The following ADGRB3 variants were observed in gnomAD, a reference collection of about 807,000 sequenced individuals.
ADGRB3 encodes the protein adhesion G protein-coupled receptor B3, also known as brain-specific angiogenesis inhibitor 3.
ADGRB3 carries 37 observed loss-of-function variants against 193.4 expected under a neutral mutation model. The ratio of observed to expected loss-of-function variants is 0.19; its 90% CI spans 0.15 to 0.25. The LOEUF (loss-of-function observed/expected upper bound fraction) is 0.25. ADGRB3 is among the 10% of genes least tolerant of loss of function. The pLI is 1.00. For missense variants in ADGRB3, 1,637 were observed against 1,852.9 expected (o/e 0.88, Z 2.14); for synonymous variants, 690 against 644.2 (o/e 1.07, Z -1.08).
rs367888823 is a variant in ADGRB3, at chr6:69,097,716, A to G, written c.2480+21678A>G. ...TATATATGTGTGTGTGTGTGTGTGTATATATGGCTATATGGCTGCTGCAGA... is the reference window on the plus strand; with the variant it reads ...TATATATGTGTGTGTGTGTGTGTGTGTATATGGCTATATGGCTGCTGCAGA... On this transcript the variant is annotated intron_variant, in intron 17 of 31. Transcript: ENST00000370598. Among the ~76,000 whole-genome samples the G allele has an allele frequency of 5.1e-3, 753 of 148,352 alleles. 5 individuals are homozygous for G. The highest frequency in any genetic ancestry group is 5.0e-3 in the African/African-American group (205 of 41,176).
intron 17 of ADGRB3, among the ~76,000 whole-genome samples, chr6:69,215,857 T>G (rs971877447): frequency 6.6e-6 from 1 of 152,144 alleles, no homozygotes; most frequent in Non-Finnish European, 1.5e-5. Context: ...GTGAAATAAA[T>G]TTCTTAGGCC....
chr6:69,059,260 A>C (rs772292308), intron 15 of ADGRB3, among the ~76,000 whole-genome samples: 1 of 152,088 alleles, frequency 6.6e-6, no homozygotes, highest in African/African-American at 2.4e-5. Flanking sequence ...ATTTTGTTTG[A>C]TATAAGTGTA....
intron 3 of ADGRB3, among the ~76,000 whole-genome samples, chr6:68,872,958 C>T (rs545096532): frequency 6.6e-6 from 1 of 151,974 alleles, no homozygotes; most frequent in South Asian, 2.1e-4. Flanking sequence ...CAACAAAATG[C>T]CAGATAAAGT....
At chr6:69,302,888 G>A (rs1767976874) in intron 20 of ADGRB3, among the ~76,000 whole-genome samples, 1 of 151,890 alleles carries the variant, frequency 6.6e-6, no homozygotes, top group African/African-American at 2.4e-5. Context: ...AGGAAATCAT[G>A]AAAGAGACTG....
intron 3 of ADGRB3, among the ~76,000 whole-genome samples, chr6:68,786,408 G>GTTATTAA (rs1766970738): frequency 6.6e-6 from 1 of 152,070 alleles, no homozygotes; most frequent in Non-Finnish European, 1.5e-5. Context: ...TATTAAATAG[G>GTTATTAA]GAATCCTTTC....
chr6:68,912,344 T>TTA (rs1366883989), intron 3 of ADGRB3, among the ~76,000 whole-genome samples: 4 of 151,594 alleles, frequency 2.6e-5, no homozygotes, highest in African/African-American at 9.7e-5. Flanking sequence ...ATCTTCTTTT[T>TTA]TTATTATTTT....
At chr6:68,911,713 A>T (rs190676008) in intron 3 of ADGRB3, among the ~76,000 whole-genome samples, 1 of 152,230 alleles carries the variant, frequency 6.6e-6, no homozygotes, top group South Asian at 2.1e-4. Context: ...CTTTGCAAAA[A>T]TAAGTTTAAG....
chr6:69,047,324 C>G (rs1476919259), intron 13 of ADGRB3, among the ~76,000 whole-genome samples: 3 of 151,572 alleles, frequency 2.0e-5, no homozygotes, highest in African/African-American at 7.3e-5. Context: ...TGCTTATAAT[C>G]TAGACATGCT....
rs143067675 is a variant in ADGRB3 at position 68,892,727 on chromosome 6, C to T, written c.758-37832C>T. Among the ~76,000 whole-genome samples the T allele has an allele frequency of 1.4e-4, 22 of 152,054 alleles. No individual in the cohort carries two copies. The East Asian group carries it at 3.9e-3, about 27-fold the overall frequency. On this transcript the variant is annotated intron_variant, in intron 3 of 31. Coordinates refer to ENST00000370598, the MANE Select transcript of ADGRB3 (RefSeq NM_001704.3). Reference sequence around the variant, plus strand: ...ACTACTAAGCAGAAGTTTCCATAAGCAAGTTTGTTGTTATCAGTATATTTC... The same window carrying T: ...ACTACTAAGCAGAAGTTTCCATAAGTAAGTTTGTTGTTATCAGTATATTTC...
At chr6:68,653,480 G>A (rs1009652216) in intron 3 of ADGRB3, among the ~76,000 whole-genome samples, 8 of 151,960 alleles carry the variant, frequency 5.3e-5, no homozygotes, top group Admixed American at 2.0e-4. Flanking sequence ...AAGAATGTAT[G>A]CACATATTCC....
intron 3 of ADGRB3, among the ~76,000 whole-genome samples, chr6:68,847,556 A>C (rs1337889000): frequency 6.6e-6 from 1 of 152,130 alleles, no homozygotes; most frequent in Non-Finnish European, 1.5e-5. Context: ...TGGGTTTATC[A>C]GGGGTTTCCA....
intron 29 of ADGRB3, among the ~76,000 whole-genome samples, chr6:69,366,608 G>T (rs1174616025): frequency 6.6e-6 from 1 of 151,916 alleles, no homozygotes. Flanking sequence ...TTAAATCATC[G>T]TAAAGAATTT....
chr6:68,776,534 C>T (rs1766751108), intron 3 of ADGRB3, among the ~76,000 whole-genome samples: 1 of 152,136 alleles, frequency 6.6e-6, no homozygotes, highest in African/African-American at 2.4e-5. Flanking sequence ...CTACTTTCTG[C>T]TAAATGCAGA....
At chr6:68,808,820 G>C (rs1275304540) in intron 3 of ADGRB3, among the ~76,000 whole-genome samples, 1 of 152,072 alleles carries the variant, frequency 6.6e-6, no homozygotes. Context: ...TGCATAACCA[G>C]CTGTTATCAG....
At chr6:69,112,782 G>T (rs1404782451) in intron 17 of ADGRB3, among the ~76,000 whole-genome samples, 2 of 151,194 alleles carry the variant, frequency 1.3e-5, no homozygotes, top group East Asian at 3.9e-4. Flanking sequence ...TTTTGAGATG[G>T]AGTCTTGCAT....
intron 3 of ADGRB3, among the ~76,000 whole-genome samples, chr6:68,890,540 G>A (rs746618783): frequency 3.9e-5 from 6 of 152,120 alleles, no homozygotes; most frequent in Admixed American, 1.3e-4. Flanking sequence ...TAATGAATTT[G>A]TGGTTATTTG....
At chr6:68,837,737 AT>A (rs1455695861) in intron 3 of ADGRB3, among the ~76,000 whole-genome samples, 1 of 152,112 alleles carries the variant, frequency 6.6e-6, no homozygotes, top group African/African-American at 2.4e-5. Flanking sequence ...CTGGAGGGGA[AT>A]GGGGGGCTAT....
rs1382369628 is a variant in ADGRB3, at chr6:69,279,089, A to G, written c.2814+39863A>G. ...TACATATGTATATATATATATATAT[A>G]TATATATATATATATATATATATAT... On this transcript the variant is annotated intron_variant, in intron 20 of 31. Transcript: ENST00000370598. 6.6e-3 allele frequency among the ~76,000 whole-genome samples: 820 copies of G among 124,322 alleles called. 32 individuals are homozygous for G. Among genetic ancestry groups the G allele is most frequent in the African/African-American group, 0.014 (474 of 34,064 alleles). The allele number at this position is 124,322 out of a possible 152,430, so 81.6% of individuals were successfully genotyped here.
At chr6:69,130,545 A>G (rs1307627479) in intron 17 of ADGRB3, among the ~76,000 whole-genome samples, 4 of 148,918 alleles carry the variant, frequency 2.7e-5, no homozygotes, top group Non-Finnish European at 4.5e-5. Flanking sequence ...TGGGCTTCCA[A>G]ATCTACTTTA....
Sources: gnomAD v4.1 joint callset for allele counts (sites outside exome capture counted in the v4.1 genomes callset) on GRCh38, gnomAD v4.1.1 for gene constraint, MANE v1.5 for transcripts, NCBI Gene and HGNC (gene_info 2026-07-23, HGNC 2026-07-21) for gene names.